The following EVC2 variants were observed in gnomAD, a reference collection of about 807,000 sequenced individuals.
The protein encoded by EVC2 is EvC ciliary complex subunit 2.
In EVC2, 148 loss-of-function variants were observed where a neutral mutation model predicts 149.3. The ratio of observed to expected loss-of-function variants is 0.99; its 90% confidence interval spans 0.87 to 1.14. The LOEUF (loss-of-function observed/expected upper bound fraction) is 1.14. EVC2 is among the 50% of genes most tolerant of loss of function. EVC2 has a pLI of 0.00. For synonymous variants in EVC2, 776 were observed against 649.9 expected (o/e 1.19, Z -2.95); for missense variants, 1,854 against 1,627.3 (o/e 1.14, Z -2.40).
chr4:5,703,653 T>C (rs1030767450), intron 1 of EVC2, among the ~76,000 whole-genome samples: 3 of 152,156 alleles, frequency 2.0e-5, no homozygotes, highest in Non-Finnish European at 4.4e-5. Flanking sequence ...TCACCTACTA[T>C]GTGCTATTTT....
At chr4:5,539,063 C>CA (rs746129308), downstream of EVC2, among the ~76,000 whole-genome samples, 10 of 152,010 alleles carry the variant, frequency 6.6e-5, no homozygotes, top group African/African-American at 2.4e-4. Context: ...ATAGAATCCA[C>CA]AAAAAAGCCA....
intron 16 of EVC2, among the ~76,000 whole-genome samples, chr4:5,601,803 G>T (rs1164608339): frequency 1.3e-5 from 2 of 152,202 alleles, no homozygotes; most frequent in African/African-American, 2.4e-5. Flanking sequence ...AGGAAAGAGA[G>T]GAGTGAAGGG....
At chr4:5,564,731 G>T (rs1040684406) in intron 21 of EVC2, among the ~76,000 whole-genome samples, 3 of 152,164 alleles carry the variant, frequency 2.0e-5, no homozygotes, top group African/African-American at 7.2e-5. Context: ...ACTTCCCTCT[G>T]TCTGTAGGTG....
intron 8 of EVC2, among the ~76,000 whole-genome samples, chr4:5,663,871 A>G (rs1301418914): frequency 6.6e-6 from 1 of 152,140 alleles, no homozygotes; most frequent in East Asian, 1.9e-4. Flanking sequence ...CAGTGAGCCG[A>G]GATTGCGCCA....
intron 7 of EVC2, among the ~76,000 whole-genome samples, chr4:5,667,783 G>A (rs981306478): frequency 6.6e-6 from 1 of 152,156 alleles, no homozygotes; most frequent in African/African-American, 2.4e-5. Context: ...TTTTATTCGA[G>A]GCTGATCACA....
intron 9 of EVC2, among the ~76,000 whole-genome samples, chr4:5,643,156 T>C (rs187735493): frequency 5.9e-5 from 9 of 152,300 alleles, no homozygotes; most frequent in Non-Finnish European, 1.3e-4. Context: ...TACTGACTAT[T>C]TTCAGTTAAA....
At chr4:5,534,561 T>C in the EVC2 span, among the ~76,000 whole-genome samples, 1 of 152,236 alleles carries the variant, frequency 6.6e-6, no homozygotes, top group Non-Finnish European at 1.5e-5. Context: ...ACAGTGCTAA[T>C]AAATTTCCTG....
In EVC2 at chr4:5,614,379, A is replaced by G. The variant is rs1411367293; in HGVS notation, c.2829+1043T>C. On this transcript the variant is annotated intron_variant, in intron 16 of 21. Coordinates refer to ENST00000344408, the MANE Select transcript of EVC2 (RefSeq NM_147127.5). This position sits in a 1 kb window ranked among gnomAD's most constrained non-coding sequence, Gnocchi z 4.7. ...CAGTCACTGCTGCAACCCCAGAGTTAACTGACACAGCGCCTGGGACACTGT... is the reference window on the plus strand; with the variant it reads ...CAGTCACTGCTGCAACCCCAGAGTTGACTGACACAGCGCCTGGGACACTGT... Among the ~76,000 whole-genome samples the G allele has an allele frequency of 6.6e-6, 1 of 151,006 alleles. No homozygotes were observed. The highest frequency in any genetic ancestry group is 1.5e-5 in the Non-Finnish European group (1 of 67,888).
At chr4:5,635,822 C>T (rs538532185) in intron 10 of EVC2, among the ~76,000 whole-genome samples, 5 of 152,256 alleles carry the variant, frequency 3.3e-5, no homozygotes, top group South Asian at 2.1e-4. Context: ...AGAAAAGCAG[C>T]GGGGAGAGCC....
chr4:5,627,526 T>C (rs1395581776), intron 12 of EVC2, among the ~76,000 whole-genome samples: 1 of 152,194 alleles, frequency 6.6e-6, no homozygotes, highest in Non-Finnish European at 1.5e-5. Context: ...CAAGGTTACC[T>C]AGTAGCGGAA....
chr4:5,693,674 T>C (rs1289493217), intron 3 of EVC2, among the ~76,000 whole-genome samples: 1 of 152,192 alleles, frequency 6.6e-6, no homozygotes. Context: ...CCCCAGGAAA[T>C]TAACATCACT....
chr4:5,685,562 G>A (rs939474109), intron 5 of EVC2, 83 bp from the exon 6 acceptor site: 13 of 1,160,502 alleles, frequency 1.1e-5, no homozygotes, highest in Admixed American at 1.9e-5. Flanking sequence ...GACACATCCT[G>A]GCCCCTGGCT....
chr4:5,622,654 T>C lies in EVC2; in HGVS notation c.2384A>G (p.Glu795Gly). 1 of 1,613,924 alleles carries C rather than the reference T, an allele frequency of 6.2e-7. No homozygotes were observed. Among genetic ancestry groups the C allele is most frequent in the Non-Finnish European group, 8.5e-7 (1 of 1,180,002 alleles). Residue 795 changes from glutamate to glycine, a missense_variant, in exon 14 of 22, where the codon GAG becomes GGG. Glu to Gly is a moderately conservative substitution (Grantham distance 98). Coordinates refer to ENST00000344408, the MANE Select transcript of EVC2 (RefSeq NM_147127.5). This position sits in a 1 kb window ranked among gnomAD's most constrained non-coding sequence, Gnocchi z 5.8. The stretch of plus-strand genomic sequence containing the variant: ...GACACCCTCCTGGTCCCTGTCCCTC[T>C]CCTCCCCCTCCAGCTGCTCGGCCCG... ...AARAEQLEGE[E>G]RDRDQEGVQS...
intron 9 of EVC2, among the ~76,000 whole-genome samples, 186 bp downstream of exon 9, chr4:5,662,921 A>C (rs1718994998): frequency 6.6e-6 from 1 of 151,892 alleles, no homozygotes; most frequent in South Asian, 2.1e-4. Flanking sequence ...TAGAGCAGGA[A>C]GTATGTCATC....
chr4:5,672,097 C>A (rs1719683707), intron 7 of EVC2, among the ~76,000 whole-genome samples: 1 of 152,186 alleles, frequency 6.6e-6, no homozygotes, highest in Non-Finnish European at 1.5e-5. Flanking sequence ...GATGCTGATG[C>A]CACAGTGTGC....
At chr4:5,551,292 A>AG (rs921820271) in intron 21 of EVC2, among the ~76,000 whole-genome samples, 1 of 152,220 alleles carries the variant, frequency 6.6e-6, no homozygotes, top group Admixed American at 6.5e-5. Context: ...TCAAAGACAC[A>AG]GGGGTAGAGT....
chr4:5,614,129 G>A lies in EVC2; in HGVS notation c.2829+1293C>T, dbSNP rs1272612300. On this transcript the variant is annotated intron_variant, in intron 16 of 21. Transcript: ENST00000344408. The surrounding 1 kb of genome is among the most constrained non-coding windows in gnomAD (Gnocchi z 4.7). ...AAGGCAGACAGACACTCAGGCTGCG[G>A]TCACACAGCGTCTACTCTTAAGCAG... is the stretch of plus-strand genomic sequence containing the variant. Among the ~76,000 whole-genome samples the A allele has an allele frequency of 6.6e-6, 1 of 152,152 alleles. No homozygotes were observed. Among genetic ancestry groups the A allele is most frequent in the East Asian group, 1.9e-4 (1 of 5,192 alleles).
chr4:5,623,021 G>T, intron 13 of EVC2, 30 bp from the exon 14 acceptor site: 2 of 1,609,942 alleles, frequency 1.2e-6, no homozygotes, highest in Non-Finnish European at 1.7e-6. Flanking sequence ...AATTAAGTGG[G>T]GGTGGGGCTT....
In EVC2 at chr4:5,618,384, T is replaced by C; in HGVS notation, c.2706+94A>G. Reference sequence around the variant, plus strand: ...GAGGATAGGGGAGCATGAGGTGAGATGGGCTCAGGCTGGGGAAGAGGCCAG... The same window carrying C: ...GAGGATAGGGGAGCATGAGGTGAGACGGGCTCAGGCTGGGGAAGAGGCCAG... On this transcript the variant is annotated intron_variant, in intron 15 of 21. Transcript: ENST00000344408. The surrounding 1 kb of genome is among the most constrained non-coding windows in gnomAD (Gnocchi z 4.4). The C allele has an allele frequency of 2.1e-6, 3 of 1,420,422 alleles. No homozygotes were observed. The highest frequency in any genetic ancestry group is 3.0e-6 in the Non-Finnish European group (3 of 1,013,138). The allele number at this position is 1,420,422 out of a possible 1,614,324, so 88.0% of individuals were successfully genotyped here.
Sources: gnomAD v4.1 joint callset for allele counts (sites outside exome capture counted in the v4.1 genomes callset) on GRCh38, gnomAD v4.1.1 for gene constraint, Gnocchi (gnomAD v3.1) non-coding constraint, MANE v1.5 for transcripts, NCBI Gene and HGNC (gene_info 2026-07-23, HGNC 2026-07-21) for gene names.